The following IKZF1 variants were observed in gnomAD, a reference collection of about 807,000 sequenced individuals.
The protein encoded by IKZF1 is IKAROS family zinc finger 1, also known as DNA-binding protein Ikaros.
In IKZF1, 10 loss-of-function variants were observed where a neutral mutation model predicts 51.7. The ratio of observed to expected loss-of-function variants is 0.19; its 90% CI spans 0.12 to 0.33. The LOEUF is 0.33. Among genes scored for constraint, IKZF1 ranks in the 10% least tolerant of loss-of-function variants. IKZF1 has a pLI of 1.00. For synonymous variants in IKZF1, 280 were observed against 282.3 expected (o/e 0.99, Z 0.08); for missense variants, 484 against 707.5 (o/e 0.68, Z 3.58).
intron 3 of IKZF1, among the ~76,000 whole-genome samples, chr7:50,353,779 T>G (rs1464893927): frequency 1.3e-5 from 2 of 152,250 alleles, no homozygotes; most frequent in African/African-American, 2.4e-5. Context: ...AATGTATCCA[T>G]GATCCCACAA....
Position 50,376,117 on chromosome 7 carries a change from G to C in IKZF1, c.161-416G>C, listed in dbSNP as rs1161622892. On this transcript the variant is annotated intron_variant, in intron 3 of 7. Coordinates refer to ENST00000331340, the MANE Select transcript of IKZF1 (RefSeq NM_006060.6). This position sits in a 1 kb window ranked among gnomAD's most constrained non-coding sequence, Gnocchi z 4.5. Reference sequence around the variant, plus strand: ...ACAAGTTCACACATCCTAGAGAGCTGGATTGTGTGACCCAGAACCCACCCT... The same window carrying C: ...ACAAGTTCACACATCCTAGAGAGCTCGATTGTGTGACCCAGAACCCACCCT... Among the ~76,000 whole-genome samples, 1 of 152,192 alleles carries C rather than the reference G, an allele frequency of 6.6e-6. No individual in the cohort carries two copies. The highest frequency in any genetic ancestry group is 2.4e-5 in the African/African-American group (1 of 41,436).
intron 7 of IKZF1, among the ~76,000 whole-genome samples, chr7:50,398,551 G>A (rs1032445428): frequency 1.3e-5 from 2 of 152,174 alleles, no homozygotes; most frequent in South Asian, 2.1e-4. Flanking sequence ...CTCATGGCAC[G>A]CTCCCCTTGT....
chr7:50,346,050 T>C (rs569252616), intron 3 of IKZF1, among the ~76,000 whole-genome samples: 10 of 152,298 alleles, frequency 6.6e-5, no homozygotes, highest in Admixed American at 2.6e-4. Flanking sequence ...AGGGGAGCAA[T>C]AGCTTCTGTC....
chr7:50,397,691 T>C (rs1817068508), intron 7 of IKZF1, among the ~76,000 whole-genome samples: 1 of 152,252 alleles, frequency 6.6e-6, no homozygotes, highest in Non-Finnish European at 1.5e-5. Flanking sequence ...GACATTTAGC[T>C]GCTCAACACA....
intron 3 of IKZF1, among the ~76,000 whole-genome samples, chr7:50,332,355 CG>C (rs1796603541): frequency 6.6e-6 from 1 of 152,040 alleles, no homozygotes; most frequent in Admixed American, 6.5e-5. Context: ...TACACATTTC[CG>C]TGTCCTAAAT....
intron 3 of IKZF1, among the ~76,000 whole-genome samples, chr7:50,344,575 C>T (rs1799877409): frequency 6.6e-6 from 1 of 152,202 alleles, no homozygotes; most frequent in South Asian, 2.1e-4. Context: ...TGCATCAGTG[C>T]TAAAAGTACA....
rs190247047 is a variant in IKZF1 at position 50,307,543 on chromosome 7, C to G, written c.-15+2621C>G. Among the ~76,000 whole-genome samples the G allele has an allele frequency of 3.6e-3, 544 of 152,270 alleles. 7 individuals are homozygous for G. The highest frequency in any genetic ancestry group is 9.6e-4 in the East Asian group (5 of 5,186). ...GAACATTGTTCTCTCTCTGGTGTCT[C>G]TATGTTCATAACTACAGAGACTTCA... On this transcript the variant is annotated intron_variant, in intron 1 of 7. Coordinates refer to ENST00000331340, the MANE Select transcript of IKZF1 (RefSeq NM_006060.6).
intron 3 of IKZF1, among the ~76,000 whole-genome samples, chr7:50,358,609 C>T (rs76669610): frequency 0.023 from 3,480 of 152,266 alleles, 284 homozygotes; most frequent in East Asian, 0.16. Flanking sequence ...AGGCAGAGGC[C>T]GTCTGTAAAC....
chr7:50,339,686 G>A (rs953691631), intron 3 of IKZF1, among the ~76,000 whole-genome samples: 6 of 151,836 alleles, frequency 4.0e-5, no homozygotes, highest in Non-Finnish European at 5.9e-5. Context: ...TTCGGGAGGC[G>A]GGGGTTGCAG....
intron 7 of IKZF1, among the ~76,000 whole-genome samples, chr7:50,397,131 A>C (rs1190468972): frequency 6.6e-6 from 1 of 152,248 alleles, no homozygotes; most frequent in African/African-American, 2.4e-5. Context: ...AGATTTGGAA[A>C]TGAGATTAGC....
intron 4 of IKZF1, among the ~76,000 whole-genome samples, chr7:50,378,453 C>T (rs1157841179): frequency 6.6e-6 from 1 of 152,134 alleles, no homozygotes; most frequent in Non-Finnish European, 1.5e-5. Context: ...CTCGGGGACC[C>T]ATGGTAATAC....
intron 3 of IKZF1, among the ~76,000 whole-genome samples, chr7:50,361,476 C>G (rs1164659650): frequency 6.6e-6 from 1 of 152,298 alleles, no homozygotes; most frequent in South Asian, 2.1e-4. Flanking sequence ...TATGGAGATC[C>G]TGGACCCGGA....
rs1002624754 is a variant in IKZF1, at chr7:50,376,239, T to G, written c.161-294T>G. Among the ~76,000 whole-genome samples the G allele has an allele frequency of 1.3e-5, 2 of 152,142 alleles. No individual in the cohort carries two copies. Among genetic ancestry groups the G allele is most frequent in the African/African-American group, 4.8e-5 (2 of 41,416 alleles). On this transcript the variant is annotated intron_variant, in intron 3 of 7. Coordinates refer to ENST00000331340, the MANE Select transcript of IKZF1 (RefSeq NM_006060.6). This position sits in a 1 kb window ranked among gnomAD's most constrained non-coding sequence, Gnocchi z 4.5. ...TTAAAGTGAGGGCCCAATTCTAAAG[T>G]GGGAACTATGTAAATACCTTTCTAG...
intron 1 of IKZF1, among the ~76,000 whole-genome samples, chr7:50,312,240 C>G (rs1228678538): frequency 1.3e-5 from 2 of 152,182 alleles, no homozygotes; most frequent in African/African-American, 4.8e-5. Flanking sequence ...AGAAGAGGGC[C>G]TGTAAAAGCT....
intron 3 of IKZF1, among the ~76,000 whole-genome samples, chr7:50,352,522 A>T (rs1802116487): frequency 6.6e-6 from 1 of 152,128 alleles, no homozygotes; most frequent in African/African-American, 2.4e-5. Context: ...CTCATTCTTG[A>T]CCTATCATCA....
At chr7:50,334,858 A>G (rs2153402249) in intron 3 of IKZF1, among the ~76,000 whole-genome samples, 1 of 141,136 alleles carries the variant, frequency 7.1e-6, no homozygotes, top group Non-Finnish European at 1.6e-5. Context: ...TGTGTGGGGT[A>G]TGTGTGTGTA....
chr7:50,354,946 G>A (rs950592296), intron 3 of IKZF1, among the ~76,000 whole-genome samples: 1 of 152,072 alleles, frequency 6.6e-6, no homozygotes, highest in African/African-American at 2.4e-5. Flanking sequence ...GTCACTTTGG[G>A]TAGGAACAAT....
At chr7:50,361,034 T>C (rs1805047351) in intron 3 of IKZF1, among the ~76,000 whole-genome samples, 1 of 152,228 alleles carries the variant, frequency 6.6e-6, no homozygotes, top group Non-Finnish European at 1.5e-5. Flanking sequence ...AATGACAAAA[T>C]TAAATTTCAT....
chr7:50,385,870 G>C (rs1264369623), intron 5 of IKZF1, among the ~76,000 whole-genome samples: 1 of 152,134 alleles, frequency 6.6e-6, no homozygotes, highest in Non-Finnish European at 1.5e-5. Flanking sequence ...ACTTTATATA[G>C]ATAAAGAAAG....
Sources: allele counts gnomAD v4.1 joint callset (sites outside exome capture counted in the v4.1 genomes callset), GRCh38; gene constraint gnomAD v4.1.1; non-coding constraint Gnocchi (gnomAD v3.1); transcripts MANE v1.5; gene names NCBI Gene and HGNC (gene_info 2026-07-23, HGNC 2026-07-21).